Variants in TRMT11 observed in about 807,000 individuals in gnomAD.
TRMT11 encodes the protein tRNA methyltransferase 11.
A neutral mutation model predicts 62.8 loss-of-function variants in TRMT11; 53 were observed. The ratio of observed to expected loss-of-function variants is 0.84; its 90% CI spans 0.68 to 1.06. The LOEUF (loss-of-function observed/expected upper bound fraction) is 1.06, where lower values mean the gene tolerates loss of function less well. Among genes scored for constraint, TRMT11 ranks in the 50% least tolerant of loss-of-function variants. The probability of loss-of-function intolerance (pLI) is 0.00; values close to 1 mark genes in which losing one functional copy is unlikely to be tolerated. For missense variants in TRMT11, 556 were observed against 553.4 expected, an observed-to-expected ratio of 1.00 and a Z score of -0.05; for synonymous variants, 188 against 190.3, an observed-to-expected ratio of 0.99 and a Z score of 0.10.
intron 11 of TRMT11, among the ~76,000 whole-genome samples, chr6:126,014,229 A>G (rs1794662980): frequency 6.6e-6 from 1 of 152,024 alleles, no homozygotes; most frequent in Admixed American, 6.6e-5. Context: ...TTTAATTCCT[A>G]TATTTGTATT....
In TRMT11 at chr6:126,080,191, T is replaced by G. The variant is rs1166372004; in HGVS notation, c.*1437+27001T>G. 2.0e-5 allele frequency among the ~76,000 whole-genome samples: 3 copies of G among 152,054 alleles called. No individual in the cohort carries two copies. The East Asian group carries it at 5.8e-4, about 29-fold the overall frequency. ...ATCATAGCTCACTGCAACCTCAAACTCCAGGGCTCAAGTGGTCCTCCCCAC... is the reference window on the plus strand; with the variant it reads ...ATCATAGCTCACTGCAACCTCAAACGCCAGGGCTCAAGTGGTCCTCCCCAC... On this transcript the variant is annotated intron_variant and NMD_transcript_variant, in intron 17 of 22. Transcript: ENST00000648977.
intron 1 of TRMT11, among the ~76,000 whole-genome samples, chr6:126,189,365 C>A (rs530594021): frequency 1.3e-5 from 2 of 152,138 alleles, no homozygotes; most frequent in Non-Finnish European, 2.9e-5. Context: ...TAAAATCCTT[C>A]TTCTGATAAG....
At chr6:126,199,303 A>G (rs1453274341) in intron 2 of TRMT11, among the ~76,000 whole-genome samples, 1 of 152,206 alleles carries the variant, frequency 6.6e-6, no homozygotes, top group Non-Finnish European at 1.5e-5. Flanking sequence ...AGGGTAACAA[A>G]CATTCCATTT....
At chr6:126,156,688 G>T (rs920567853) in intron 21 of TRMT11, among the ~76,000 whole-genome samples, 1 of 152,182 alleles carries the variant, frequency 6.6e-6, no homozygotes, top group Admixed American at 6.5e-5. Context: ...TGAAGGGGAA[G>T]CAAGCATCTC....
At chr6:126,240,637 G>A in the TRMT11 span, among the ~76,000 whole-genome samples, 3 of 152,224 alleles carry the variant, frequency 2.0e-5, no homozygotes, top group East Asian at 3.9e-4. Context: ...GTGCCTCCCA[G>A]TTAGGCTGCT....
intron 21 of TRMT11, among the ~76,000 whole-genome samples, chr6:126,148,428 A>G (rs545797042): frequency 1.3e-5 from 2 of 152,342 alleles, no homozygotes; most frequent in East Asian, 3.9e-4. Flanking sequence ...GAAAGCCCCT[A>G]TAATGAAGGT....
the TRMT11 span, among the ~76,000 whole-genome samples, chr6:126,260,921 A>G: frequency 6.6e-6 from 1 of 152,138 alleles, no homozygotes; most frequent in African/African-American, 2.4e-5. Context: ...TTGGAAGTTG[A>G]ATCTAATTGA....
chr6:126,250,394 G>A, the TRMT11 span, among the ~76,000 whole-genome samples: 1 of 152,130 alleles, frequency 6.6e-6, no homozygotes, highest in Non-Finnish European at 1.5e-5. Flanking sequence ...GCATGTGGAA[G>A]CTAAATAGCT....
At chr6:126,108,513 C>T (rs1273126289) in intron 17 of TRMT11, among the ~76,000 whole-genome samples, 1 of 152,182 alleles carries the variant, frequency 6.6e-6, no homozygotes, top group Non-Finnish European at 1.5e-5. Flanking sequence ...ATAACAACCT[C>T]ATGAGGTAAG....
At chr6:126,003,344 C>T (rs1223489519) in intron 7 of TRMT11, among the ~76,000 whole-genome samples, 2 of 152,040 alleles carry the variant, frequency 1.3e-5, no homozygotes, top group Non-Finnish European at 2.9e-5. Flanking sequence ...AATTCTTCTT[C>T]GAATGTGGCC....
the TRMT11 span, among the ~76,000 whole-genome samples, chr6:126,269,146 C>G: frequency 6.7e-6 from 1 of 149,184 alleles, no homozygotes; most frequent in African/African-American, 2.4e-5. Flanking sequence ...CGCCTGTAGT[C>G]CCAGCTACTT....
intron 17 of TRMT11, among the ~76,000 whole-genome samples, chr6:126,091,761 T>C (rs1041577538): frequency 2.9e-4 from 44 of 152,290 alleles, no homozygotes; most frequent in Middle Eastern, 3.4e-3. Flanking sequence ...TTCTTTGACA[T>C]TGAAATAGTA....
chr6:126,115,610 A>G lies in TRMT11; in HGVS notation c.*1710+117A>G, dbSNP rs113862838. ...CAGAAGTAAAGCAATTAAAATGTAC[A>G]TGTTACTCAAGAAGAAGAAACATTA... is the stretch of plus-strand genomic sequence containing the variant. On this transcript the variant is annotated intron_variant and NMD_transcript_variant, in intron 20 of 22. Coordinates refer to the TRMT11 transcript ENST00000648977. Among the ~76,000 whole-genome samples, 477 of 152,270 alleles carry G rather than the reference A, an allele frequency of 3.1e-3. 2 individuals carry two copies. Among genetic ancestry groups the G allele is most frequent in the African/African-American group, 0.011 (456 of 41,580 alleles).
chr6:126,193,914 T>G (rs1313448446), intron 1 of TRMT11, among the ~76,000 whole-genome samples: 1 of 152,222 alleles, frequency 6.6e-6, no homozygotes, highest in Non-Finnish European at 1.5e-5. Flanking sequence ...ATTTTCCTTA[T>G]AATTTCTTCA....
chr6:126,083,706 A>G (rs978476682), intron 17 of TRMT11, among the ~76,000 whole-genome samples: 80 of 152,198 alleles, frequency 5.3e-4, no homozygotes, highest in African/African-American at 1.8e-3. Flanking sequence ...CATGTCGTAC[A>G]TTAGATCACT....
chr6:126,047,209 G>A lies in TRMT11; in HGVS notation c.*1370-5914G>A, dbSNP rs114353808. The stretch of plus-strand genomic sequence containing the variant: ...CCCACCCTCAAGCCTGAAAACCCAC[G>A]GCCCTAATTGGGAACAGGCATTCCT... On this transcript the variant is annotated intron_variant and NMD_transcript_variant, in intron 16 of 22. Coordinates refer to the TRMT11 transcript ENST00000648977. Among the ~76,000 whole-genome samples the A allele has an allele frequency of 2.9e-3, 439 of 151,904 alleles. 2 individuals are homozygous for A. Among genetic ancestry groups the A allele is most frequent in the African/African-American group, 9.8e-3 (406 of 41,456 alleles).
In TRMT11 at chr6:126,069,324, C is replaced by T. The variant is rs531807573; in HGVS notation, c.*1437+16134C>T. On this transcript the variant is annotated intron_variant and NMD_transcript_variant, in intron 17 of 22. Transcript: ENST00000648977. ...TGTCCATGATGCCAAGGAGACAAAG[C>T]TGTGAACACCACCAGAACAAATGTC... Among the ~76,000 whole-genome samples, 12 of 152,354 alleles carry T rather than the reference C, an allele frequency of 7.9e-5. No homozygotes were observed. In the East Asian group the frequency reaches 2.3e-3, roughly 29 times the overall value.
chr6:126,061,370 A>G (rs949498715), intron 17 of TRMT11, among the ~76,000 whole-genome samples: 1 of 152,188 alleles, frequency 6.6e-6, no homozygotes, highest in African/African-American at 2.4e-5. Context: ...TCATTAATAT[A>G]GTTCTTAAAC....
intron 19 of TRMT11, among the ~76,000 whole-genome samples, chr6:126,115,148 T>C (rs1274435734): frequency 6.6e-6 from 1 of 151,958 alleles, no homozygotes; most frequent in East Asian, 1.9e-4. Context: ...TTCAGGAGGG[T>C]ATTAGCTGTA....
Sources: gnomAD v4.1 joint callset for allele counts (sites outside exome capture counted in the v4.1 genomes callset) on GRCh38, gnomAD v4.1.1 for gene constraint, MANE v1.5 for transcripts, NCBI Gene and HGNC (gene_info 2026-07-23, HGNC 2026-07-21) for gene names.